The following XXYLT1 variants were observed in gnomAD, a reference collection of about 807,000 sequenced individuals.
XXYLT1 encodes xyloside xylosyltransferase 1.
In XXYLT1, 20 loss-of-function variants were observed where a neutral mutation model predicts 28.9. The ratio of observed to expected loss-of-function variants is 0.69; its 90% CI spans 0.49 to 1.00. The LOEUF (loss-of-function observed/expected upper bound fraction) is 1.00. Ranked by LOEUF, XXYLT1 falls within the 50% of genes least tolerant of loss-of-function variation. The pLI, the probability that XXYLT1 is intolerant of heterozygous loss-of-function variation, is 0.00. For synonymous variants in XXYLT1, 257 were observed against 253.8 expected (o/e 1.01, Z -0.12); for missense variants, 542 against 560.1 (o/e 0.97, Z 0.33).
At chr3:195,175,792 T>G in intron 2 of XXYLT1, 5 of 1,486,168 alleles carry the variant, frequency 3.4e-6, no homozygotes, top group Non-Finnish European at 4.5e-6. Flanking sequence ...ATGCTCCAGA[T>G]GGCGTCGTTA....
intron 3 of XXYLT1, among the ~76,000 whole-genome samples, chr3:195,151,140 G>A (rs1720217530): frequency 6.6e-6 from 1 of 152,014 alleles, no homozygotes; most frequent in Non-Finnish European, 1.5e-5. Flanking sequence ...GTTCACTCCA[G>A]GATCTTGTAG....
intron 3 of XXYLT1, among the ~76,000 whole-genome samples, chr3:195,103,356 C>T (rs866484631): frequency 2.5e-4 from 36 of 141,518 alleles, no homozygotes; most frequent in Middle Eastern, 3.6e-3. Flanking sequence ...GCGTCCATCA[C>T]CCCACGCCAG....
chr3:195,233,930 T>C (rs12485800), intron 1 of XXYLT1, among the ~76,000 whole-genome samples: 4,705 of 152,298 alleles, frequency 0.031, 142 homozygotes, highest in East Asian at 0.1. Flanking sequence ...TGTTTTGTTT[T>C]GTTTGAGATG....
chr3:195,160,339 T>C (rs983546960), intron 2 of XXYLT1, among the ~76,000 whole-genome samples: 1 of 152,172 alleles, frequency 6.6e-6, no homozygotes, highest in African/African-American at 2.4e-5. Context: ...TGTTTTGAAA[T>C]GGCTTCAGAG....
At chr3:195,101,849 A>T (rs1716793524) in intron 3 of XXYLT1, among the ~76,000 whole-genome samples, 1 of 144,320 alleles carries the variant, frequency 6.9e-6, no homozygotes, top group Admixed American at 6.9e-5. Context: ...GAGGGGAGGG[A>T]AGAAAGAAAA....
At chr3:195,205,777 C>T (rs1424939672) in intron 2 of XXYLT1, among the ~76,000 whole-genome samples, 2 of 152,112 alleles carry the variant, frequency 1.3e-5, no homozygotes, top group African/African-American at 4.8e-5. Flanking sequence ...GCAGGAGAAT[C>T]GCTTGAACCC....
intron 3 of XXYLT1, among the ~76,000 whole-genome samples, chr3:195,138,832 G>T (rs1394625926): frequency 6.9e-6 from 1 of 145,152 alleles, no homozygotes; most frequent in Non-Finnish European, 1.5e-5. Context: ...TCCAGCCTGG[G>T]CAACAAAGTG....
At chr3:195,204,033 C>A (rs1231546988) in intron 2 of XXYLT1, among the ~76,000 whole-genome samples, 1 of 152,172 alleles carries the variant, frequency 6.6e-6, no homozygotes, top group Non-Finnish European at 1.5e-5. Context: ...TTAGAATTCA[C>A]CACACATAGT....
At chr3:195,130,643 A>G (rs1205870895) in intron 3 of XXYLT1, among the ~76,000 whole-genome samples, 2 of 152,192 alleles carry the variant, frequency 1.3e-5, no homozygotes, top group African/African-American at 4.8e-5. Context: ...GGGGAAGGAC[A>G]TGCTATGCTA....
At chr3:195,119,167 C>T (rs908455812) in intron 3 of XXYLT1, among the ~76,000 whole-genome samples, 3 of 105,304 alleles carry the variant, frequency 2.8e-5, no homozygotes, top group African/African-American at 1.0e-4. Flanking sequence ...GCCTGTAATC[C>T]CAGCTACTCG....
chr3:195,247,860 G>A (rs1376609648), intron 1 of XXYLT1: 1 of 700,260 alleles, frequency 1.4e-6, no homozygotes, highest in African/African-American at 1.7e-5. Flanking sequence ...CAGAGAGAGA[G>A]AAGGGGGAAG....
At chr3:195,234,169 G>A (rs1383783219) in intron 1 of XXYLT1, among the ~76,000 whole-genome samples, 3 of 151,012 alleles carry the variant, frequency 2.0e-5, no homozygotes, top group Admixed American at 6.6e-5. Flanking sequence ...CGCCTGCCTC[G>A]GCCTCCCAAA....
At position 195,069,954 on chromosome 3, in the gene XXYLT1, C is replaced by G. The variant is rs1056340383; in HGVS notation, c.943G>C (p.Val315Leu). The change falls in exon 4 of 4, where the codon GTG becomes CTG. Residue 315 changes from valine (V) to leucine (L), a missense_variant. Coordinates refer to ENST00000310380, the MANE Select transcript of XXYLT1 (RefSeq NM_152531.5). ...LYSRLLEPAQ[V>L]QQLADKYHFR... ...TGGTACTTGTCGGCCAGCTGCTGCACCTGCGCCGGCTCCAGCAGGCGGCTG... is the reference window on the plus strand; with the variant it reads ...TGGTACTTGTCGGCCAGCTGCTGCAGCTGCGCCGGCTCCAGCAGGCGGCTG... 3 of 1,612,144 alleles carry G rather than the reference C, an allele frequency of 1.9e-6. No individual in the cohort carries two copies. Among genetic ancestry groups the G allele is most frequent in the Non-Finnish European group, 2.5e-6 (3 of 1,179,712 alleles).
intron 1 of XXYLT1, among the ~76,000 whole-genome samples, chr3:195,263,202 A>G (rs1725744661): frequency 6.6e-6 from 1 of 152,222 alleles, no homozygotes; most frequent in Non-Finnish European, 1.5e-5. Flanking sequence ...CTTGCACTCA[A>G]AGAAACTCTG....
chr3:195,107,490 A>AG (rs1717170248), intron 3 of XXYLT1, among the ~76,000 whole-genome samples: 1 of 117,100 alleles, frequency 8.5e-6, no homozygotes, highest in Admixed American at 8.7e-5. Context: ...AAAAAAAAAA[A>AG]GGAAGAAAGG....
intron 2 of XXYLT1, among the ~76,000 whole-genome samples, chr3:195,170,302 T>A (rs936937284): frequency 6.6e-6 from 1 of 152,238 alleles, no homozygotes; most frequent in African/African-American, 2.4e-5. Context: ...GAAAACATTT[T>A]AAAAGAAATT....
chr3:195,222,343 G>A lies in XXYLT1; in HGVS notation c.652+4366C>T, dbSNP rs139831653. Among the ~76,000 whole-genome samples the A allele has an allele frequency of 1.2e-4, 18 of 152,302 alleles. No homozygotes were observed. In the East Asian group the frequency reaches 3.3e-3, roughly 28 times the overall value. Reference sequence around the variant, plus strand: ...GTCCAGTGGGGACAGCCACTGTCTCGAAGCTCTTAAGTGGCTGCCTGAGGT... The same window carrying A: ...GTCCAGTGGGGACAGCCACTGTCTCAAAGCTCTTAAGTGGCTGCCTGAGGT... On this transcript the variant is annotated intron_variant, in intron 2 of 3. Transcript: ENST00000310380.
intron 3 of XXYLT1, among the ~76,000 whole-genome samples, chr3:195,121,030 GGCCTGTGGGCCACACCTA>G (rs1449024079): frequency 6.6e-6 from 1 of 152,178 alleles, no homozygotes; most frequent in Non-Finnish European, 1.5e-5. Context: ...ATAGCTGGGT[GGCCTGTGGGCCACACCTA>G]GCCTGCTGCT....
At chr3:195,071,202 C>G (rs561474418) in intron 3 of XXYLT1, among the ~76,000 whole-genome samples, 202 of 152,334 alleles carry the variant, frequency 1.3e-3, no homozygotes, top group Admixed American at 0.012. Context: ...GTGGCAGGGA[C>G]AGGCGTGGGA....
Sources: gnomAD v4.1 joint callset for allele counts (sites outside exome capture counted in the v4.1 genomes callset) on GRCh38, gnomAD v4.1.1 for gene constraint, MANE v1.5 for transcripts, NCBI Gene and HGNC (gene_info 2026-07-23, HGNC 2026-07-21) for gene names.